NKAIN3: variants seen among roughly 807,000 people sequenced by gnomAD.
The protein encoded by NKAIN3 is sodium/potassium transporting ATPase interacting 3, also known as sodium/potassium-transporting ATPase subunit beta-1-interacting protein 3.
NKAIN3 carries 25 observed loss-of-function variants against 30.2 expected under a neutral mutation model. The observed-to-expected ratio is 0.83, with a 90% CI of 0.60 to 1.16. The LOEUF (loss-of-function observed/expected upper bound fraction) is 1.16, where lower values mean the gene tolerates loss of function less well. Among genes scored for constraint, NKAIN3 ranks in the 50% most tolerant of loss-of-function variants. The pLI is 0.00. For missense variants in NKAIN3, 225 were observed against 254.1 expected (o/e 0.89, Z 0.78); for synonymous variants, 91 against 89.6 (o/e 1.02, Z -0.09).
intron 4 of NKAIN3, among the ~76,000 whole-genome samples, chr8:62,780,355 C>T (rs1004660493): frequency 2.0e-5 from 3 of 151,962 alleles, no homozygotes; most frequent in Admixed American, 1.3e-4. Context: ...TGAATTACAC[C>T]AAATGTATAA....
At position 62,975,739 on chromosome 8, in the gene NKAIN3, A is replaced by T. The variant is rs1823927027; in HGVS notation, c.*10332A>T. On this transcript the variant is annotated 3_prime_UTR_variant, in exon 7 of 7. Transcript: ENST00000623646. ...TGCTCTTGTTTCTTTAATTCTTTTA[A>T]TTGTGATGTTAGCGTGTTGATTGTA... Among the ~76,000 whole-genome samples, 1 of 151,882 alleles carries T rather than the reference A, an allele frequency of 6.6e-6. No individual in the cohort carries two copies. The highest frequency in any genetic ancestry group is 1.5e-5 in the Non-Finnish European group (1 of 67,970).
At chr8:62,316,705 T>C (rs554353341) in intron 1 of NKAIN3, among the ~76,000 whole-genome samples, 1 of 152,318 alleles carries the variant, frequency 6.6e-6, no homozygotes, top group East Asian at 1.9e-4. Context: ...TGGTTCCAAG[T>C]CTTTGCTATT....
chr8:62,845,412 T>C lies in NKAIN3; in HGVS notation c.472-73041T>C, dbSNP rs563913477. Among the ~76,000 whole-genome samples, 164 of 150,728 alleles carry C rather than the reference T, an allele frequency of 1.1e-3. 1 individual carries two copies. The highest frequency in any genetic ancestry group is 1.9e-3 in the Non-Finnish European group (130 of 67,744). On this transcript the variant is annotated intron_variant, in intron 4 of 6. Coordinates refer to ENST00000623646, the MANE Select transcript of NKAIN3 (RefSeq NM_001304533.3). ...AAACAAGAAGTTTAACAAAAGAGAC[T>C]AGGGACTTCTTTAGCTCACTTGTCG...
chr8:62,406,904 G>T (rs1804088344), intron 1 of NKAIN3, among the ~76,000 whole-genome samples: 1 of 152,120 alleles, frequency 6.6e-6, no homozygotes, highest in African/African-American at 2.4e-5. Flanking sequence ...TTTAGAATAA[G>T]TTTCAAGCAA....
intron 1 of NKAIN3, among the ~76,000 whole-genome samples, chr8:62,415,749 AATTATT>A (rs35191559): frequency 2.0e-5 from 3 of 148,694 alleles, no homozygotes; most frequent in African/African-American, 2.5e-5. Flanking sequence ...TTTTATTAAG[AATTATT>A]ATTATTATTA....
chr8:62,602,089 C>A (rs1338270692), intron 3 of NKAIN3, among the ~76,000 whole-genome samples: 2 of 152,020 alleles, frequency 1.3e-5, no homozygotes, highest in Non-Finnish European at 2.9e-5. Flanking sequence ...AAGCCAACGA[C>A]ATATATAAAA....
chr8:62,548,821 A>AAATATATATGTATGTAGATAGTTTAT (rs1554546090), intron 1 of NKAIN3, among the ~76,000 whole-genome samples: 1 of 151,192 alleles, frequency 6.6e-6, no homozygotes, highest in African/African-American at 2.4e-5. Flanking sequence ...ATATATGATG[A>AAATATATATGTATGTAGATAGTTTAT]ACAAATAAAA....
At chr8:62,693,850 C>A (rs1453997743) in intron 3 of NKAIN3, among the ~76,000 whole-genome samples, 1 of 152,000 alleles carries the variant, frequency 6.6e-6, no homozygotes, top group Admixed American at 6.6e-5. Flanking sequence ...AGGAAAAGAG[C>A]AAATGTCATT....
chr8:62,605,059 T>A (rs11988612), intron 3 of NKAIN3, among the ~76,000 whole-genome samples: 466 of 152,234 alleles, frequency 3.1e-3, no homozygotes, highest in African/African-American at 0.01. Flanking sequence ...GCAGAAGGAT[T>A]GTGAGGAACT....
chr8:62,470,704 G>T (rs965650929), intron 1 of NKAIN3, among the ~76,000 whole-genome samples: 1 of 151,824 alleles, frequency 6.6e-6, no homozygotes, highest in African/African-American at 2.4e-5. Flanking sequence ...AAGATGTTTC[G>T]TATATCAAAT....
intron 4 of NKAIN3, among the ~76,000 whole-genome samples, chr8:62,765,246 C>CAAAAAAAAAAAAA (rs34477671): frequency 4.7e-5 from 2 of 42,510 alleles, no homozygotes; most frequent in African/African-American, 1.6e-4. Context: ...GACTCCATCT[C>CAAAAAAAAAAAAA]AAAAAAAAAA....
intron 3 of NKAIN3, among the ~76,000 whole-genome samples, chr8:62,627,001 A>C (rs1811808946): frequency 6.6e-6 from 1 of 152,186 alleles, no homozygotes; most frequent in Admixed American, 6.6e-5. Flanking sequence ...GGAATGGTGC[A>C]CTGGTAGCCA....
At chr8:62,887,744 A>T (rs528060599) in intron 4 of NKAIN3, among the ~76,000 whole-genome samples, 1 of 152,216 alleles carries the variant, frequency 6.6e-6, no homozygotes, top group East Asian at 1.9e-4. Flanking sequence ...TTTTCTTAGA[A>T]TTCCATTTCT....
At chr8:62,254,005 T>G (rs1812189963) in intron 1 of NKAIN3, among the ~76,000 whole-genome samples, 1 of 152,208 alleles carries the variant, frequency 6.6e-6, no homozygotes, top group African/African-American at 2.4e-5. Context: ...AAACTTAAAG[T>G]TAGTGAAACT....
At chr8:62,475,165 C>T (rs1207754162) in intron 1 of NKAIN3, among the ~76,000 whole-genome samples, 4 of 152,146 alleles carry the variant, frequency 2.6e-5, no homozygotes, top group African/African-American at 9.7e-5. Flanking sequence ...GTGTTCCACT[C>T]ATAGAACCTC....
At chr8:62,503,620 C>T (rs35082610) in intron 1 of NKAIN3, among the ~76,000 whole-genome samples, 10,951 of 152,002 alleles carry the variant, frequency 0.072, 495 homozygotes, top group African/African-American at 0.13. Context: ...GAGCAGCCGT[C>T]TATGGACCTT....
At chr8:62,291,902 T>G (rs2129587180) in intron 1 of NKAIN3, among the ~76,000 whole-genome samples, 1 of 152,314 alleles carries the variant, frequency 6.6e-6, no homozygotes, top group South Asian at 2.1e-4. Flanking sequence ...AGGACCTGCT[T>G]TATGAATCTG....
intron 4 of NKAIN3, among the ~76,000 whole-genome samples, chr8:62,820,284 G>T (rs1242952638): frequency 6.6e-6 from 1 of 152,064 alleles, no homozygotes; most frequent in Non-Finnish European, 1.5e-5. Context: ...GAATCAATGA[G>T]GAACCTTTTT....
intron 1 of NKAIN3, among the ~76,000 whole-genome samples, chr8:62,297,891 C>G (rs1054072429): frequency 6.6e-6 from 1 of 152,068 alleles, no homozygotes; most frequent in African/African-American, 2.4e-5. Context: ...TATTGTGGCT[C>G]TATTCACAAT....
Sources: allele counts gnomAD v4.1 joint callset (sites outside exome capture counted in the v4.1 genomes callset), GRCh38; gene constraint gnomAD v4.1.1; transcripts MANE v1.5; gene names NCBI Gene and HGNC (gene_info 2026-07-23, HGNC 2026-07-21).